ACSS3: variants seen among roughly 807,000 people sequenced by gnomAD.
ACSS3 encodes acyl-CoA synthetase short-chain family member 3, mitochondrial.
In ACSS3, 64 loss-of-function variants were observed where a neutral mutation model predicts 84.2. The observed-to-expected ratio is 0.76, with a 90% confidence interval of 0.62 to 0.94. The LOEUF (loss-of-function observed/expected upper bound fraction) is 0.94, where lower values mean the gene tolerates loss of function less well. ACSS3 is among the 40% of genes least tolerant of loss of function. The probability of loss-of-function intolerance (pLI) is 0.00; values close to 1 mark genes in which losing one functional copy is unlikely to be tolerated. For synonymous variants in ACSS3, 317 were observed against 310.1 expected, an observed-to-expected ratio of 1.02 and a Z score of -0.23; for missense variants, 815 against 867.6, an observed-to-expected ratio of 0.94 and a Z score of 0.76.
At chr12:81,190,114 AT>A (rs2031489594) in intron 8 of ACSS3, among the ~76,000 whole-genome samples, 1 of 152,228 alleles carries the variant, frequency 6.6e-6, no homozygotes, top group Admixed American at 6.5e-5. Context: ...TATCAAGCTT[AT>A]TCTTTTTCAA....
intron 13 of ACSS3, among the ~76,000 whole-genome samples, chr12:81,251,076 T>A (rs1381939148): frequency 6.6e-6 from 1 of 152,146 alleles, no homozygotes; most frequent in Non-Finnish European, 1.5e-5. Flanking sequence ...ACGATGAAAC[T>A]AAAATAAGTC....
chr12:81,106,593 T>C (rs1029565114), intron 1 of ACSS3, among the ~76,000 whole-genome samples: 3 of 152,082 alleles, frequency 2.0e-5, no homozygotes, highest in African/African-American at 7.2e-5. Context: ...GCCAAAAAGG[T>C]TGGGGACTGC....
intron 1 of ACSS3, among the ~76,000 whole-genome samples, chr12:81,098,357 A>G (rs749466394): frequency 7.9e-5 from 12 of 152,066 alleles, no homozygotes; most frequent in Admixed American, 1.3e-4. Flanking sequence ...TATTTATTTC[A>G]GTGTTTACTA....
At chr12:81,100,171 G>A (rs566779707) in intron 1 of ACSS3, among the ~76,000 whole-genome samples, 32 of 150,520 alleles carry the variant, frequency 2.1e-4, no homozygotes, top group Admixed American at 9.9e-4. Context: ...ATGTGAGTTA[G>A]CAGGCATTAA....
intron 8 of ACSS3, among the ~76,000 whole-genome samples, chr12:81,189,637 C>A (rs916019549): frequency 6.6e-6 from 1 of 152,094 alleles, no homozygotes; most frequent in African/African-American, 2.4e-5. Flanking sequence ...AAACAATCTT[C>A]TCCAACTTCT....
chr12:81,116,455 A>G (rs1042633154), intron 2 of ACSS3, among the ~76,000 whole-genome samples: 1 of 152,136 alleles, frequency 6.6e-6, no homozygotes, highest in South Asian at 2.1e-4. Context: ...ACAGATCTTT[A>G]GAAATTATAT....
rs78788525 is a variant in ACSS3 at position 81,118,454 on chromosome 12, T to C, written c.456+8750T>C. ...ATATAGAGGAATGGACATGCTATTT[T>C]AATATCCACACAGAGAAATGTCATA... On this transcript the variant is annotated intron_variant, in intron 2 of 15. Coordinates refer to ENST00000548058, the MANE Select transcript of ACSS3 (RefSeq NM_024560.4). Among the ~76,000 whole-genome samples, 1,277 of 152,262 alleles carry C rather than the reference T, an allele frequency of 8.4e-3. 16 individuals are homozygous for C. Among genetic ancestry groups the C allele is most frequent in the East Asian group, 0.047 (241 of 5,178 alleles).
At position 81,259,545 on chromosome 12, in the gene ACSS3, T is replaced by C; in HGVS notation, c.*4623T>C. ...CCCCCCAAAAATCACATTTTTCAGC[T>C]TTTAATAAGTCATGACGTCATTATT... On this transcript the variant is annotated 3_prime_UTR_variant, in exon 16 of 16. Coordinates refer to ENST00000548058, the MANE Select transcript of ACSS3 (RefSeq NM_024560.4). The C allele has an allele frequency of 7.6e-7, 1 of 1,312,674 alleles. No homozygotes were observed. The highest frequency in any genetic ancestry group is 1.0e-6 in the Non-Finnish European group (1 of 954,444). The allele number at this position is 1,312,674 out of a possible 1,614,324, so 81.3% of individuals were successfully genotyped here.
At chr12:81,167,166 A>T (rs2135799188) in intron 7 of ACSS3, among the ~76,000 whole-genome samples, 1 of 152,350 alleles carries the variant, frequency 6.6e-6, no homozygotes, top group African/African-American at 2.4e-5. Flanking sequence ...TGCTTCATTT[A>T]CTTGACATTA....
chr12:81,194,347 T>C (rs1490498226), intron 8 of ACSS3, among the ~76,000 whole-genome samples: 1 of 151,918 alleles, frequency 6.6e-6, no homozygotes, highest in Non-Finnish European at 1.5e-5. Context: ...TTCCTTAGTA[T>C]TATACAATTA....
At chr12:81,219,547 A>G (rs1335681741) in intron 10 of ACSS3, among the ~76,000 whole-genome samples, 1 of 152,138 alleles carries the variant, frequency 6.6e-6, no homozygotes, top group African/African-American at 2.4e-5. Context: ...GGAAGATTAA[A>G]TTGACCAAAT....
chr12:81,247,063 T>TATAAA (rs10699995), intron 13 of ACSS3, among the ~76,000 whole-genome samples: 95,939 of 151,338 alleles, frequency 0.63, 31,406 homozygotes, highest in Non-Finnish European at 0.74. Context: ...GAAGGAACTT[T>TATAAA]ATATTTTAGA....
intron 7 of ACSS3, among the ~76,000 whole-genome samples, chr12:81,153,173 C>T (rs917868273): frequency 1.3e-5 from 2 of 152,082 alleles, no homozygotes; most frequent in South Asian, 2.1e-4. Context: ...TTTGGGAGGC[C>T]GAGGCAGGTG....
intron 13 of ACSS3, among the ~76,000 whole-genome samples, chr12:81,247,063 T>TATAAAATA (rs10699995): frequency 6.6e-6 from 1 of 151,298 alleles, no homozygotes; most frequent in Non-Finnish European, 1.5e-5. Flanking sequence ...GAAGGAACTT[T>TATAAAATA]ATATTTTAGA....
intron 10 of ACSS3, among the ~76,000 whole-genome samples, chr12:81,218,155 C>T (rs1593211058): frequency 6.6e-6 from 1 of 152,086 alleles, no homozygotes; most frequent in African/African-American, 2.4e-5. Context: ...CAGTGCCTAC[C>T]AGTAGAAAGG....
intron 5 of ACSS3, among the ~76,000 whole-genome samples, chr12:81,144,075 C>T (rs1021590790): frequency 2.6e-5 from 4 of 152,130 alleles, no homozygotes; most frequent in African/African-American, 7.2e-5. Context: ...TTCTTTATTA[C>T]TGTTAGATTG....
At chr12:81,082,239 C>T (rs1156771312) in intron 1 of ACSS3, among the ~76,000 whole-genome samples, 1 of 152,106 alleles carries the variant, frequency 6.6e-6, no homozygotes, top group African/African-American at 2.4e-5. Context: ...TTTTGGAATC[C>T]CCAGTGTCTA....
intron 11 of ACSS3, among the ~76,000 whole-genome samples, chr12:81,220,360 A>C (rs1317050795): frequency 6.6e-6 from 1 of 151,382 alleles, no homozygotes; most frequent in Non-Finnish European, 1.5e-5. Flanking sequence ...CTTACATACA[A>C]AAAAAATATG....
chr12:81,129,087 G>C (rs1444418891), intron 2 of ACSS3, among the ~76,000 whole-genome samples: 3 of 152,076 alleles, frequency 2.0e-5, no homozygotes, highest in Non-Finnish European at 4.4e-5. Context: ...AAACATTGAG[G>C]AGCAGCTGAA....
Sources: allele counts gnomAD v4.1 joint callset (sites outside exome capture counted in the v4.1 genomes callset), GRCh38; gene constraint gnomAD v4.1.1; transcripts MANE v1.5; gene names NCBI Gene and HGNC (gene_info 2026-07-23, HGNC 2026-07-21).